Variants in CENPE observed in about 807,000 individuals in gnomAD.
CENPE encodes centromere-associated protein E.
Under a neutral mutation model 336.1 loss-of-function variants are expected in CENPE, and 145 were observed. The observed-to-expected ratio is 0.43, with a 90% confidence interval of 0.38 to 0.50. The LOEUF (loss-of-function observed/expected upper bound fraction) is 0.50, where lower values mean the gene tolerates loss of function less well. Among genes scored for constraint, CENPE ranks in the 20% least tolerant of loss-of-function variants. The probability of loss-of-function intolerance (pLI) is 0.00; values close to 1 mark genes in which losing one functional copy is unlikely to be tolerated. For missense variants in CENPE, 2,719 were observed against 3,023.3 expected, an observed-to-expected ratio of 0.90 and a Z score of 2.36; for synonymous variants, 1,013 against 984.8, an observed-to-expected ratio of 1.03 and a Z score of -0.54.
At chr4:103,170,261 T>C (rs1410185774) in intron 16 of CENPE, among the ~76,000 whole-genome samples, 4 of 152,098 alleles carry the variant, frequency 2.6e-5, no homozygotes, top group Non-Finnish European at 5.9e-5. Flanking sequence ...TATGCACATG[T>C]ACCCCAGAAC....
At chr4:103,194,969 A>T in intron 5 of CENPE, 145 bp downstream of exon 5, 1 of 713,324 alleles carries the variant, frequency 1.4e-6, no homozygotes. Flanking sequence ...TGTTTAAAAG[A>T]TGAATATAAA....
intron 10 of CENPE, 26 bp from the exon 11 acceptor site, chr4:103,182,917 G>A (rs1756446232): frequency 3.8e-6 from 6 of 1,598,794 alleles, no homozygotes; most frequent in Non-Finnish European, 4.3e-6. Flanking sequence ...GTTTACAGGA[G>A]AAAAAGATTG....
intron 42 of CENPE, among the ~76,000 whole-genome samples, chr4:103,124,387 G>T (rs781072639): frequency 6.6e-6 from 1 of 152,168 alleles, no homozygotes; most frequent in Non-Finnish European, 1.5e-5. Flanking sequence ...ATATTGATCT[G>T]CAAGATGATA....
intron 46 of CENPE, among the ~76,000 whole-genome samples, chr4:103,111,287 C>A (rs910042955): frequency 6.6e-6 from 1 of 152,176 alleles, no homozygotes; most frequent in African/African-American, 2.4e-5. Flanking sequence ...GCAGCAATAG[C>A]AATCCTCTCC....
intron 24 of CENPE, among the ~76,000 whole-genome samples, chr4:103,154,376 A>C (rs1224898752): frequency 6.6e-6 from 1 of 151,818 alleles, no homozygotes; most frequent in African/African-American, 2.4e-5. Context: ...TTCCACTTAG[A>C]TCATATGTAT....
At position 103,106,323 on chromosome 4, in the gene CENPE, A is replaced by G; in HGVS notation, c.8012-7T>C. 1.3e-6 allele frequency: 2 copies of G among 1,583,288 alleles called. No individual in the cohort carries two copies. Among genetic ancestry groups the G allele is most frequent in the Non-Finnish European group, 1.7e-6 (2 of 1,162,142 alleles). On this transcript the variant is annotated splice_polypyrimidine_tract_variant and splice_region_variant and intron_variant, in intron 48 of 48. Transcript: ENST00000265148. ...GCTCCTGCATTTTGCACCTCTGAGA[A>G]AGAAAATGAAAACAACATTCATCCT...
At chr4:103,157,575 G>A (rs11729856) in intron 24 of CENPE, among the ~76,000 whole-genome samples, 25,534 of 151,912 alleles carry the variant, frequency 0.17, 2,275 homozygotes, top group South Asian at 0.31. Flanking sequence ...GCCAGGGTCT[G>A]TGGGAAGGAA....
Position 103,108,837 on chromosome 4 carries a change from G to A in CENPE, c.7977C>T (p.Arg2659=), listed in dbSNP as rs749843859. 4 of 1,613,690 alleles carry A rather than the reference G, an allele frequency of 2.5e-6. No homozygotes were observed. Among genetic ancestry groups the A allele is most frequent in the Non-Finnish European group, 3.4e-6 (4 of 1,179,768 alleles). ...GGCCTAAACTTGAGTTATCAAAATAGCGAACTGGATGAGGTGATGGTAAAG... is the reference window on the plus strand; with the variant it reads ...GGCCTAAACTTGAGTTATCAAAATAACGAACTGGATGAGGTGATGGTAAAG... ...SKSLPSPHPV[R]YFDNSSLGLC... The change falls in exon 48 of 49, where the codon CGC becomes CGT. Residue 2659 remains arginine, a synonymous_variant. Transcript: ENST00000265148.
At chr4:103,133,464 G>A (rs182813753) in intron 41 of CENPE, among the ~76,000 whole-genome samples, 35 of 152,276 alleles carry the variant, frequency 2.3e-4, no homozygotes, top group African/African-American at 7.5e-4. Context: ...TGGAGTTGTT[G>A]TAATAAAGCG....
intron 40 of CENPE, among the ~76,000 whole-genome samples, chr4:103,135,825 G>A (rs1381445549): frequency 6.6e-6 from 1 of 152,094 alleles, no homozygotes; most frequent in Non-Finnish European, 1.5e-5. Context: ...ATTTTATTTA[G>A]TACGTCATAT....
intron 20 of CENPE, 34 bp from the exon 21 acceptor site, chr4:103,160,813 A>C (rs1049724097): frequency 2.6e-6 from 4 of 1,522,162 alleles, no homozygotes; most frequent in Non-Finnish European, 3.5e-6. Context: ...TAAAGATCCA[A>C]TGTTGCCAAA....
chr4:103,132,669 A>G (rs373528545), intron 42 of CENPE, 24 bp downstream of exon 42: 1 of 1,234,342 alleles, frequency 8.1e-7, no homozygotes, highest in Non-Finnish European at 1.1e-6. Flanking sequence ...ACAAAAAAGT[A>G]GTACAGCAAA....
chr4:103,165,703 G>A lies in CENPE; in HGVS notation c.1648-2150C>T, dbSNP rs183492849. Among the ~76,000 whole-genome samples the A allele has an allele frequency of 4.0e-4, 61 of 152,090 alleles. 1 individual carries two copies. Among genetic ancestry groups the A allele is most frequent in the East Asian group, 3.3e-3 (17 of 5,182 alleles). On this transcript the variant is annotated intron_variant, in intron 16 of 48. Transcript: ENST00000265148. The stretch of plus-strand genomic sequence containing the variant: ...TTTTGTGTCGAATTAAAAGTAAAGG[G>A]CCTAGAGCAGTGGCTCACACCTGTA...
intron 42 of CENPE, among the ~76,000 whole-genome samples, chr4:103,125,149 G>A (rs1008402528): frequency 3.9e-5 from 6 of 152,212 alleles, no homozygotes; most frequent in Middle Eastern, 3.4e-3. Flanking sequence ...CTTTCCAAGC[G>A]AAAACTTTTT....
chr4:103,117,620 TC>T (rs1173177876), intron 44 of CENPE, among the ~76,000 whole-genome samples: 1 of 146,748 alleles, frequency 6.8e-6, no homozygotes, highest in African/African-American at 2.7e-5. Flanking sequence ...TCATTTTCTT[TC>T]CTTTTTTTTT....
At chr4:103,174,053 T>C (rs1209027705) in intron 16 of CENPE, among the ~76,000 whole-genome samples, 1 of 151,758 alleles carries the variant, frequency 6.6e-6, no homozygotes, top group African/African-American at 2.4e-5. Context: ...TGCATTCCCA[T>C]ATTTACTGCA....
At chr4:103,193,849 C>T (rs984803066) in intron 8 of CENPE, among the ~76,000 whole-genome samples, 5 of 151,902 alleles carry the variant, frequency 3.3e-5, no homozygotes, top group Non-Finnish European at 7.4e-5. Context: ...TTGTTGATCA[C>T]ATAAGTCTAA....
chr4:103,154,791 A>G, intron 24 of CENPE, among the ~76,000 whole-genome samples: 1 of 152,220 alleles, frequency 6.6e-6, no homozygotes, highest in Non-Finnish European at 1.5e-5. Context: ...ATTGTCCTTT[A>G]TATAAGAATA....
At chr4:103,146,473 G>GGAATT (rs1211108228) in intron 29 of CENPE, among the ~76,000 whole-genome samples, 1 of 152,178 alleles carries the variant, frequency 6.6e-6, no homozygotes, top group Non-Finnish European at 1.5e-5. Context: ...ATGATAGGAA[G>GGAATT]GGATTCCTAG....
Sources: allele counts gnomAD v4.1 joint callset (sites outside exome capture counted in the v4.1 genomes callset), GRCh38; gene constraint gnomAD v4.1.1; transcripts MANE v1.5; gene names NCBI Gene and HGNC (gene_info 2026-07-23, HGNC 2026-07-21).